PCSK4: variants seen among roughly 807,000 people sequenced by gnomAD.
PCSK4 encodes the protein testicular tissue protein Li 135.
A neutral mutation model predicts 80.3 loss-of-function variants in PCSK4; 64 were observed. The ratio of observed to expected loss-of-function variants is 0.80; its 90% CI spans 0.65 to 0.98. The LOEUF is 0.98. Among genes scored for constraint, PCSK4 ranks in the 50% least tolerant of loss-of-function variants. The probability of loss-of-function intolerance (pLI) is 0.00; values close to 1 mark genes in which losing one functional copy is unlikely to be tolerated. For missense variants in PCSK4, 1,213 were observed against 1,093.6 expected (o/e 1.11, Z -1.54); for synonymous variants, 561 against 487.6 (o/e 1.15, Z -1.98).
At chr19:1,488,034 C>A in exon 4 of PCSK4, 1 of 1,613,410 alleles carries the variant, frequency 6.2e-7, no homozygotes, top group South Asian at 1.1e-5. Context: ...GATGCCCTGG[C>A]CTGACAGCCC....
At chr19:1,488,117 C>T in intron 3 of PCSK4, 25 bp from the exon 4 acceptor site, 1 of 1,612,752 alleles carries the variant, frequency 6.2e-7, no homozygotes, top group Non-Finnish European at 8.5e-7. Flanking sequence ...GGGGTTGTGA[C>T]CCTGTGAGGG....
chr19:1,482,662 CCTA>C (rs2084361637), intron 13 of PCSK4, 187 bp from the exon 14 acceptor site: 2 of 807,576 alleles, frequency 2.5e-6, no homozygotes, highest in Non-Finnish European at 3.8e-6. Context: ...TGACTGCACA[CCTA>C]CTGTGCGCCT....
Position 1,483,116 on chromosome 19 carries a change from G to A in PCSK4, c.1572-96C>T. On this transcript the variant is annotated intron_variant, in intron 12 of 14. Transcript: ENST00000300954. ...GAAGTGTCTGACCGCACGCGCTGGTGGCCGCGTGTCCTCTGGGTGTGGGTG... is the reference window on the plus strand; with the variant it reads ...GAAGTGTCTGACCGCACGCGCTGGTAGCCGCGTGTCCTCTGGGTGTGGGTG... The A allele has an allele frequency of 6.2e-6, 8 of 1,287,752 alleles. No homozygotes were observed. The South Asian group carries it at 7.5e-5, about 12-fold the overall frequency. 79.8% of individuals were successfully genotyped at this position (1,287,752 alleles called of 1,614,324 possible). A position where few individuals can be genotyped will look rare whatever the true frequency, so the allele number is the denominator to read the frequency against.
At chr19:1,486,139 A>AT (rs1301916358) in intron 8 of PCSK4, among the ~76,000 whole-genome samples, 49 of 138,020 alleles carry the variant, frequency 3.6e-4, no homozygotes, top group Admixed American at 8.7e-4. Flanking sequence ...TGCCTGGCTA[A>AT]TTTTTTTTTG....
intron 10 of PCSK4, 27 bp downstream of exon 10, chr19:1,483,810 TC>T: frequency 2.7e-6 from 4 of 1,494,484 alleles, no homozygotes; most frequent in East Asian, 2.6e-5. Flanking sequence ...GGGCCCCGGG[TC>T]CCCGCCCCCG....
At chr19:1,486,746 C>G in intron 8 of PCSK4, 107 bp downstream of exon 8, 1 of 995,862 alleles carries the variant, frequency 1.0e-6, no homozygotes, top group Non-Finnish European at 1.5e-6. Context: ...TTTGCATTTT[C>G]AAAGCAGCTT....
intron 11 of PCSK4, 48 bp downstream of exon 11, chr19:1,483,601 TC>T: frequency 6.7e-7 from 1 of 1,486,050 alleles, no homozygotes. Context: ...CTCAGGCCTG[TC>T]CCCCACACCC....
chr19:1,483,896 CGCGCGGACCACCAG>C lies in PCSK4; in HGVS notation c.1201_1214del (p.Leu401ValfsTer126). ...CGGCCTGCAGGTGCGCCGGCTTGGACGCGCGGACCACCAGGTGCTGCATGTCTCTCCACGTCAGG... is the reference window on the plus strand; with the variant it reads ...CGGCCTGCAGGTGCGCCGGCTTGGACGTGCTGCATGTCTCTCCACGTCAGG... On this transcript the variant is annotated frameshift_variant, in exon 10 of 15. Coordinates refer to ENST00000300954, the Ensembl canonical transcript of PCSK4. LOFTEE classifies it high-confidence loss of function. The C allele has an allele frequency of 1.3e-6, 2 of 1,490,632 alleles. No individual in the cohort carries two copies. Among genetic ancestry groups the C allele is most frequent in the Non-Finnish European group, 1.8e-6 (2 of 1,128,738 alleles). 92.3% of individuals were successfully genotyped at this position (1,490,632 alleles called of 1,614,324 possible).
chr19:1,489,662 G>GC (rs1298063737), intron 2 of PCSK4, 131 bp downstream of exon 2: 4 of 1,445,850 alleles, frequency 2.8e-6, no homozygotes, highest in East Asian at 5.0e-5. Flanking sequence ...TAGACTTGGG[G>GC]CCCGGGCGGG....
intron 13 of PCSK4, 45 bp downstream of exon 13, chr19:1,482,851 T>A: frequency 6.2e-7 from 1 of 1,600,552 alleles, no homozygotes; most frequent in Non-Finnish European, 8.5e-7. Context: ...TGGGGGGAGG[T>A]TGGAGAGCCA....
At chr19:1,483,423 C>A in exon 12 of PCSK4, 1 of 1,600,870 alleles carries the variant, frequency 6.2e-7, no homozygotes. Context: ...CCGGCGCAGG[C>A]CGATACGTTT....
chr19:1,487,637 A>C (rs1004519408), exon 6 of PCSK4: 1 of 1,553,988 alleles, frequency 6.4e-7, no homozygotes, highest in Non-Finnish European at 8.7e-7. Flanking sequence ...CCCCCACACC[A>C]CAGAAGCCAT....
At chr19:1,489,376 C>T (rs957897466) in intron 2 of PCSK4, among the ~76,000 whole-genome samples, 3 of 152,060 alleles carry the variant, frequency 2.0e-5, no homozygotes, top group Admixed American at 6.6e-5. Flanking sequence ...CCTTGTGATC[C>T]GACCGCCTCC....
rs140591376 is a variant in PCSK4 at position 1,482,221 on chromosome 19, C to T, written c.1820-14G>A. The T allele has an allele frequency of 1.4e-5, 22 of 1,526,142 alleles. No individual in the cohort carries two copies. The Admixed American group carries it at 1.6e-4, about 11-fold the overall frequency. The allele number at this position is 1,526,142 out of a possible 1,614,324, so 94.5% of individuals were successfully genotyped here. A position where few individuals can be genotyped will look rare whatever the true frequency, so the allele number is the denominator to read the frequency against. ...GGCCGTCACACGCTGCTCGGGGACA[C>T]GCACGCAAAGGCCCGTCAGCTTGCC... On this transcript the variant is annotated splice_polypyrimidine_tract_variant and intron_variant, in intron 14 of 14. Transcript: ENST00000300954.
chr19:1,487,021 G>T, exon 8 of PCSK4: 1 of 1,608,420 alleles, frequency 6.2e-7, no homozygotes, highest in Non-Finnish European at 8.5e-7. Context: ...GCAGGCCGCC[G>T]TTGCCCGAGG....
At chr19:1,483,616 G>T in intron 11 of PCSK4, 34 bp downstream of exon 11, 1 of 1,515,360 alleles carries the variant, frequency 6.6e-7, no homozygotes, top group Non-Finnish European at 8.9e-7. Flanking sequence ...CACACCCCCA[G>T]CGGGGATAGC....
intron 14 of PCSK4, 31 bp from the exon 15 acceptor site, chr19:1,482,238 C>A: frequency 6.6e-7 from 1 of 1,523,636 alleles, no homozygotes; most frequent in Non-Finnish European, 8.8e-7. Context: ...AAAGGCCCGT[C>A]AGCTTGCCAC....
rs1428401484 is a variant in PCSK4, at chr19:1,487,765, G to C, written c.593+20C>G. On this transcript the variant is annotated intron_variant, in intron 5 of 14. Coordinates refer to ENST00000300954, the Ensembl canonical transcript of PCSK4. The stretch of plus-strand genomic sequence containing the variant: ...CCGGGTACTGGGGCTTCCCCCGTGT[G>C]CTGTGGGAGCCCTGCTCACCGGTTC... The C allele has an allele frequency of 2.6e-6, 4 of 1,558,536 alleles. No homozygotes were observed. The highest frequency in any genetic ancestry group is 3.5e-6 in the Non-Finnish European group (4 of 1,148,412).
chr19:1,487,472 C>G (rs532980075), intron 6 of PCSK4, 131 bp downstream of exon 6: 140 of 1,013,482 alleles, frequency 1.4e-4, no homozygotes, highest in Non-Finnish European at 1.6e-5. Context: ...CCCCCAAGCC[C>G]TGGAGTCTGG....
Sources: allele counts gnomAD v4.1 joint callset (sites outside exome capture counted in the v4.1 genomes callset), GRCh38; gene constraint gnomAD v4.1.1; transcripts MANE v1.5; gene names NCBI Gene and HGNC (gene_info 2026-07-23, HGNC 2026-07-21).